The following MYO5A variants were observed in gnomAD, a reference collection of about 807,000 sequenced individuals.
MYO5A encodes myosin VA.
Under a neutral mutation model 249.7 loss-of-function variants are expected in MYO5A, and 98 were observed. The ratio of observed to expected loss-of-function variants is 0.39; its 90% CI spans 0.33 to 0.46. MYO5A has a LOEUF of 0.46. Among genes scored for constraint, MYO5A ranks in the 20% least tolerant of loss-of-function variants. The probability of loss-of-function intolerance (pLI) is 0.98; values close to 1 mark genes in which losing one functional copy is unlikely to be tolerated. For missense variants in MYO5A, 1,696 were observed against 2,308.8 expected, an observed-to-expected ratio of 0.73 and a Z score of 5.44; for synonymous variants, 778 against 810.6, an observed-to-expected ratio of 0.96 and a Z score of 0.68.
chr15:52,505,552 C>T (rs948650171), intron 1 of MYO5A: 21 of 1,565,258 alleles, frequency 1.3e-5, no homozygotes, highest in South Asian at 4.4e-5. Context: ...AAGGGAAGAA[C>T]GTCTTGCACA....
intron 12 of MYO5A, among the ~76,000 whole-genome samples, chr15:52,390,101 A>G (rs2042152250): frequency 6.6e-6 from 1 of 152,246 alleles, no homozygotes; most frequent in African/African-American, 2.4e-5. Flanking sequence ...AATTGAACCT[A>G]TGAAGATAAA....
chr15:52,338,917 T>C (rs893174319), intron 32 of MYO5A, among the ~76,000 whole-genome samples: 1 of 152,238 alleles, frequency 6.6e-6, no homozygotes, highest in Admixed American at 6.5e-5. Flanking sequence ...ACTTATTATA[T>C]TATTCAGTAT....
intron 12 of MYO5A, among the ~76,000 whole-genome samples, chr15:52,389,789 C>T (rs1360049419): frequency 1.3e-5 from 2 of 152,036 alleles, no homozygotes; most frequent in African/African-American, 4.8e-5. Context: ...CCTGTCTCTA[C>T]TAAAATTAGA....
chr15:52,360,679 G>A (rs188752084), intron 24 of MYO5A, among the ~76,000 whole-genome samples: 2 of 152,198 alleles, frequency 1.3e-5, no homozygotes, highest in East Asian at 1.9e-4. Context: ...AAGAGCCCTC[G>A]GTTATTACCT....
rs1467662406 is a variant in MYO5A, at chr15:52,351,669, T to C, written c.3622-188A>G. 3.9e-5 allele frequency among the ~76,000 whole-genome samples: 6 copies of C among 152,226 alleles called. 1 individual carries two copies. Among genetic ancestry groups the C allele is most frequent in the Non-Finnish European group, 8.8e-5 (6 of 68,034 alleles). The stretch of plus-strand genomic sequence containing the variant: ...TAAGGAAGTCTGACATCAAGTAGAA[T>C]TGAGCAAGGTCAATGGAAGTTTGCT... On this transcript the variant is annotated intron_variant, in intron 27 of 41. Transcript: ENST00000399233.
chr15:52,405,737 G>C (rs2042974841), intron 8 of MYO5A, among the ~76,000 whole-genome samples: 1 of 152,096 alleles, frequency 6.6e-6, no homozygotes, highest in Admixed American at 6.6e-5. Flanking sequence ...AGTATGTGAA[G>C]ATTAAATGAG....
chr15:52,502,193 G>A (rs1264744154), intron 1 of MYO5A, among the ~76,000 whole-genome samples: 1 of 152,084 alleles, frequency 6.6e-6, no homozygotes, highest in Non-Finnish European at 1.5e-5. Flanking sequence ...TGAAGCAGGA[G>A]AATTGCTTGA....
chr15:52,447,832 G>T (rs1484448182), intron 1 of MYO5A, among the ~76,000 whole-genome samples: 1 of 152,202 alleles, frequency 6.6e-6, no homozygotes, highest in Non-Finnish European at 1.5e-5. Flanking sequence ...TGAGAGAGAT[G>T]ATTTAGAGTA....
At chr15:52,376,287 A>G (rs2041408730) in intron 19 of MYO5A, 60 bp downstream of exon 19, 1 of 1,541,014 alleles carries the variant, frequency 6.5e-7, no homozygotes, top group Non-Finnish European at 8.9e-7. Flanking sequence ...ACCAGTCAAA[A>G]CTGTCCTTGG....
intron 4 of MYO5A, among the ~76,000 whole-genome samples, chr15:52,419,160 T>C (rs1217452571): frequency 6.6e-6 from 1 of 152,370 alleles, no homozygotes; most frequent in East Asian, 1.9e-4. Context: ...GTCATGTACC[T>C]TGATGAAGTG....
At chr15:52,393,684 C>T (rs1017017902) in intron 11 of MYO5A, among the ~76,000 whole-genome samples, 2 of 152,174 alleles carry the variant, frequency 1.3e-5, no homozygotes, top group African/African-American at 2.4e-5. Flanking sequence ...TGAGCCACCG[C>T]GCCTGGCCTC....
At chr15:52,399,598 T>C (rs2042653791) in intron 9 of MYO5A, among the ~76,000 whole-genome samples, 1 of 152,242 alleles carries the variant, frequency 6.6e-6, no homozygotes. Context: ...TCAAACTTTC[T>C]GTATCTCTAT....
chr15:52,334,602 T>C (rs533139420), intron 34 of MYO5A, among the ~76,000 whole-genome samples: 3 of 152,254 alleles, frequency 2.0e-5, no homozygotes, highest in Non-Finnish European at 4.4e-5. Context: ...AACAGAGTAA[T>C]ATCCTTTACA....
At chr15:52,318,659 G>A (rs1018915482) in intron 39 of MYO5A, among the ~76,000 whole-genome samples, 2 of 152,024 alleles carry the variant, frequency 1.3e-5, no homozygotes, top group Non-Finnish European at 2.9e-5. Context: ...ATATTTCTAA[G>A]AGCAATCAAA....
intron 1 of MYO5A, among the ~76,000 whole-genome samples, chr15:52,460,092 G>A (rs1339162258): frequency 6.6e-6 from 1 of 151,386 alleles, no homozygotes; most frequent in Non-Finnish European, 1.5e-5. Flanking sequence ...GATGATGGGC[G>A]GCCAGGCAGA....
chr15:52,361,529 T>C (rs2414140), intron 24 of MYO5A, among the ~76,000 whole-genome samples: 149,152 of 152,240 alleles, frequency 0.98, 73,140 homozygotes, highest in Middle Eastern at 1. Context: ...CGAGAGAGAG[T>C]TAGGCAGGAA....
chr15:52,396,598 A>T (rs2042496424), intron 10 of MYO5A, among the ~76,000 whole-genome samples: 1 of 152,094 alleles, frequency 6.6e-6, no homozygotes, highest in Non-Finnish European at 1.5e-5. Context: ...GCCATGCAGC[A>T]GAGAGGTTTT....
intron 5 of MYO5A, among the ~76,000 whole-genome samples, chr15:52,410,964 C>T (rs1032469933): frequency 2.6e-5 from 4 of 152,166 alleles, no homozygotes; most frequent in Non-Finnish European, 5.9e-5. Flanking sequence ...CAGATATATA[C>T]TAATTGTTTT....
chr15:52,521,693 G>C (rs866530330), intron 1 of MYO5A, among the ~76,000 whole-genome samples: 7 of 152,190 alleles, frequency 4.6e-5, no homozygotes, highest in Admixed American at 3.3e-4. Context: ...AAAAGCCTTT[G>C]CTGTACAAGG....
Sources: allele counts gnomAD v4.1 joint callset (sites outside exome capture counted in the v4.1 genomes callset), GRCh38; gene constraint gnomAD v4.1.1; transcripts MANE v1.5; gene names NCBI Gene and HGNC (gene_info 2026-07-23, HGNC 2026-07-21).